The following RNF152 variants were observed in gnomAD, a reference collection of about 807,000 sequenced individuals.
The protein encoded by RNF152 is ring finger protein 152.
Under a neutral mutation model 12.7 loss-of-function variants are expected in RNF152, and 11 were observed. The ratio of observed to expected loss-of-function variants is 0.86; its 90% CI spans 0.54 to 1.43. RNF152 has a LOEUF of 1.43. Ranked by LOEUF, RNF152 falls within the 40% of genes most tolerant of loss-of-function variation. RNF152 has a pLI of 0.00. For missense variants in RNF152, 255 were observed against 274.8 expected (o/e 0.93, Z 0.51); for synonymous variants, 113 against 120.3 (o/e 0.94, Z 0.40).
rs753556461 is a variant in RNF152 at position 61,816,298 on chromosome 18, C to T, written c.166G>A (p.Gly56Ser). ...QKDVRCPWCR[G>S]VTKLPPGFSV... is the part of the protein sequence containing the mutation. The stretch of plus-strand genomic sequence containing the variant: ...AAGCCGGGAGGCAGCTTGGTGACAC[C>T]GCGGCACCAGGGGCACCGCACATCC... The change falls in exon 2 of 2, where the codon GGT becomes AGT. Residue 56 changes from glycine (G) to serine (S), a missense_variant. Transcript: ENST00000312828. The T allele has an allele frequency of 8.7e-6, 14 of 1,614,184 alleles. No homozygotes were observed. The highest frequency in any genetic ancestry group is 4.5e-5 in the East Asian group (2 of 44,880).
chr18:61,819,862 A>T lies in RNF152; in HGVS notation c.-135-3264T>A, dbSNP rs1003339201. Among the ~76,000 whole-genome samples the T allele has an allele frequency of 4.6e-5, 7 of 151,956 alleles. No individual in the cohort carries two copies. In the Middle Eastern group the frequency reaches 0.01, roughly 222 times the overall value. On this transcript the variant is annotated intron_variant, in intron 1 of 1. Transcript: ENST00000312828. Reference sequence around the variant, plus strand: ...ATAACGAGACTCTGTCTCTACTAAAAATAAAAAAATTAGCTGGGTGTGGTG... The same window carrying T: ...ATAACGAGACTCTGTCTCTACTAAATATAAAAAAATTAGCTGGGTGTGGTG...
intron 1 of RNF152, among the ~76,000 whole-genome samples, chr18:61,838,407 G>A (rs78833369): frequency 1.2e-3 from 176 of 152,276 alleles, no homozygotes; most frequent in African/African-American, 3.9e-3. Flanking sequence ...AACCAGAGAC[G>A]GAGGAGTCAT....
At chr18:61,886,296 T>C (rs560758277) in intron 1 of RNF152, among the ~76,000 whole-genome samples, 15 of 152,338 alleles carry the variant, frequency 9.8e-5, no homozygotes, top group African/African-American at 3.6e-4. Context: ...TTCTGTGTTG[T>C]CAAAGAGTCA....
At chr18:61,839,763 TG>T (rs1910366019) in intron 1 of RNF152, among the ~76,000 whole-genome samples, 1 of 152,008 alleles carries the variant, frequency 6.6e-6, no homozygotes, top group Admixed American at 6.6e-5. Flanking sequence ...GGCGTGGTGG[TG>T]GGTGCCTGTA....
chr18:61,875,419 G>C (rs920718623), intron 1 of RNF152, among the ~76,000 whole-genome samples: 3 of 152,214 alleles, frequency 2.0e-5, no homozygotes, highest in Admixed American at 6.5e-5. Flanking sequence ...GTGCATGCAA[G>C]TGTCCTCTGT....
In RNF152 at chr18:61,810,987, C is replaced by T. The variant is rs560347830; in HGVS notation, c.*4865G>A. On this transcript the variant is annotated 3_prime_UTR_variant, in exon 2 of 2. Coordinates refer to ENST00000312828, the MANE Select transcript of RNF152 (RefSeq NM_173557.3). ...AGTCTTTTGTGTATCACTCCTTTTG[C>T]ACCGATAACTTTTGAACTTCTATCT... 6.6e-6 allele frequency: 1 copy of T among 151,278 alleles called. No individual in the cohort carries two copies. Among genetic ancestry groups the T allele is most frequent in the South Asian group, 2.1e-4 (1 of 4,798 alleles). 9.4% of individuals were successfully genotyped at this position (151,278 alleles called of 1,614,324 possible).
chr18:61,817,258 T>A (rs1360093040), intron 1 of RNF152, among the ~76,000 whole-genome samples: 2 of 152,182 alleles, frequency 1.3e-5, no homozygotes, highest in Non-Finnish European at 2.9e-5. Flanking sequence ...AAAGCAGCAG[T>A]GAAGCTTAAG....
chr18:61,826,799 G>T (rs1909692795), intron 1 of RNF152, among the ~76,000 whole-genome samples: 2 of 152,088 alleles, frequency 1.3e-5, no homozygotes, highest in African/African-American at 2.4e-5. Flanking sequence ...TCTAACAGTG[G>T]TTACCTTACC....
chr18:61,830,284 C>T (rs1280781370), intron 1 of RNF152, among the ~76,000 whole-genome samples: 1 of 152,142 alleles, frequency 6.6e-6, no homozygotes, highest in Middle Eastern at 3.2e-3. Context: ...CCTCGTCCTC[C>T]CAAAGTGCTG....
upstream of RNF152, chr18:61,894,263 G>GCGGCCGC (rs1253600999): frequency 3.3e-5 from 5 of 150,250 alleles, no homozygotes; most frequent in East Asian, 9.9e-4. The surrounding 1 kb of genome is among the most constrained non-coding windows in gnomAD (Gnocchi z 4.9). Context: ...CCCCGGGCCG[G>GCGGCCGC]CGGCCGCCGC....
Position 61,808,563 on chromosome 18 carries a change from G to A in RNF152, c.*7289C>T, listed in dbSNP as rs75478650. 19,625 of 152,166 alleles carry A rather than the reference G, an allele frequency of 0.13. 1,292 individuals are homozygous for A. Among genetic ancestry groups the A allele is most frequent in the African/African-American group, 0.16 (6,623 of 41,502 alleles). The allele number at this position is 152,166 out of a possible 1,614,324, so 9.4% of individuals were successfully genotyped here. ...CCACCGCTAAAGCCGTAGGGTGGGA[G>A]GAACCCTGGATTGCAGCTACATGGC... On this transcript the variant is annotated 3_prime_UTR_variant, in exon 2 of 2. Coordinates refer to ENST00000312828, the MANE Select transcript of RNF152 (RefSeq NM_173557.3).
At chr18:61,832,986 T>C (rs750118674) in intron 1 of RNF152, among the ~76,000 whole-genome samples, 1 of 152,200 alleles carries the variant, frequency 6.6e-6, no homozygotes, top group Non-Finnish European at 1.5e-5. Flanking sequence ...TTCAAGATGT[T>C]TGTCAAAGCA....
At chr18:61,889,290 T>A (rs933312349) in intron 1 of RNF152, among the ~76,000 whole-genome samples, 4 of 152,208 alleles carry the variant, frequency 2.6e-5, no homozygotes, top group Non-Finnish European at 5.9e-5. Context: ...TTTATAAAAA[T>A]GACTTTGCCA....
chr18:61,810,153 A>G lies in RNF152; in HGVS notation c.*5699T>C, dbSNP rs1912899462. ...GTAGTTAGTTTGACATAATGTATGC[A>G]GCCCATAGCAACAGTTAAGAAATTA... On this transcript the variant is annotated 3_prime_UTR_variant, in exon 2 of 2. Coordinates refer to ENST00000312828, the MANE Select transcript of RNF152 (RefSeq NM_173557.3). 1 of 152,256 alleles carries G rather than the reference A, an allele frequency of 6.6e-6. No individual in the cohort carries two copies. 9.4% of individuals were successfully genotyped at this position (152,256 alleles called of 1,614,324 possible). A position where few individuals can be genotyped will look rare whatever the true frequency, so the allele number is the denominator to read the frequency against.
intron 1 of RNF152, among the ~76,000 whole-genome samples, chr18:61,860,494 C>T (rs1049320523): frequency 4.6e-5 from 7 of 152,296 alleles, no homozygotes; most frequent in African/African-American, 1.2e-4. Context: ...TGCACTGCAA[C>T]GCATTACTCA....
chr18:61,847,199 A>T (rs1407902024), intron 1 of RNF152, among the ~76,000 whole-genome samples: 1 of 152,160 alleles, frequency 6.6e-6, no homozygotes, highest in East Asian at 1.9e-4. Context: ...AGAACAACAC[A>T]AAAAAAGAGG....
At chr18:61,886,861 T>C (rs1458779248) in intron 1 of RNF152, among the ~76,000 whole-genome samples, 1 of 152,236 alleles carries the variant, frequency 6.6e-6, no homozygotes, top group Admixed American at 6.5e-5. Context: ...TGAATGAATG[T>C]TGAATGAAAT....
intron 1 of RNF152, among the ~76,000 whole-genome samples, chr18:61,834,871 A>G (rs993734884): frequency 6.6e-6 from 1 of 152,216 alleles, no homozygotes; most frequent in Non-Finnish European, 1.5e-5. Flanking sequence ...CTACAAAATA[A>G]TCTGAATCCA....
chr18:61,881,916 C>G (rs118109648), intron 1 of RNF152, among the ~76,000 whole-genome samples: 1 of 152,142 alleles, frequency 6.6e-6, no homozygotes, highest in Non-Finnish European at 1.5e-5. Flanking sequence ...CCTTGAGATG[C>G]AATTCTTAAA....
Sources: allele counts gnomAD v4.1 joint callset (sites outside exome capture counted in the v4.1 genomes callset), GRCh38; gene constraint gnomAD v4.1.1; non-coding constraint Gnocchi (gnomAD v3.1); transcripts MANE v1.5; gene names NCBI Gene and HGNC (gene_info 2026-07-23, HGNC 2026-07-21).